TGFB2: variants seen among roughly 807,000 people sequenced by gnomAD.
The protein encoded by TGFB2 is transforming growth factor beta-2 proprotein.
In TGFB2, 13 loss-of-function variants were observed where a neutral mutation model predicts 42.7. The ratio of observed to expected loss-of-function variants is 0.30; its 90% CI spans 0.20 to 0.48. The LOEUF (loss-of-function observed/expected upper bound fraction) is 0.48. Among genes scored for constraint, TGFB2 ranks in the 20% least tolerant of loss-of-function variants. The probability of loss-of-function intolerance (pLI) is 0.99; values close to 1 mark genes in which losing one functional copy is unlikely to be tolerated. For missense variants in TGFB2, 390 were observed against 517.5 expected, an observed-to-expected ratio of 0.75 and a Z score of 2.39; for synonymous variants, 193 against 193.6, an observed-to-expected ratio of 1.00 and a Z score of 0.03.
chr1:218,378,946 A>AC (rs981996104), intron 1 of TGFB2, among the ~76,000 whole-genome samples: 1 of 151,636 alleles, frequency 6.6e-6, no homozygotes, highest in South Asian at 2.1e-4. Flanking sequence ...TGTGGCTATT[A>AC]CCCTCCTGAG....
At chr1:218,416,647 T>G (rs1659290487) in intron 2 of TGFB2, among the ~76,000 whole-genome samples, 1 of 152,224 alleles carries the variant, frequency 6.6e-6, no homozygotes, top group Admixed American at 6.5e-5. Context: ...GCAGTTCTTG[T>G]CCCTCACCTG....
rs1656693157 is a variant in TGFB2 at position 218,346,739 on chromosome 1, A to G, written c.38A>G (p.His13Arg). Residue 13 changes from histidine to arginine, a missense_variant, in exon 1 of 7, where the codon CAT becomes CGT. Transcript: ENST00000366930. The surrounding 1 kb of genome is among the most constrained non-coding windows in gnomAD (Gnocchi z 4.9). The part of the protein sequence containing the change: ...YCVLSAFLIL[H>R]LVTVALSLST... Reference sequence around the variant, plus strand: ...GTGCTGAGCGCTTTTCTGATCCTGCATCTGGTCACGGTCGCGCTCAGCCTG... The same window carrying G: ...GTGCTGAGCGCTTTTCTGATCCTGCGTCTGGTCACGGTCGCGCTCAGCCTG... 1 of 1,613,766 alleles carries G rather than the reference A, an allele frequency of 6.2e-7. No individual in the cohort carries two copies. The highest frequency in any genetic ancestry group is 1.3e-5 in the African/African-American group (1 of 74,884).
chr1:218,376,283 T>C (rs576345767), intron 1 of TGFB2, among the ~76,000 whole-genome samples: 2 of 152,240 alleles, frequency 1.3e-5, no homozygotes, highest in Non-Finnish European at 2.9e-5. Flanking sequence ...GGACAATGTG[T>C]GTTAGTAATG....
chr1:218,407,355 C>T (rs1335306191), intron 2 of TGFB2, among the ~76,000 whole-genome samples: 3 of 152,202 alleles, frequency 2.0e-5, no homozygotes, highest in Admixed American at 6.5e-5. Flanking sequence ...GCTGGGATTA[C>T]AGGCATGAGG....
chr1:218,362,903 T>C (rs1334138136), intron 1 of TGFB2, among the ~76,000 whole-genome samples: 1 of 152,176 alleles, frequency 6.6e-6, no homozygotes, highest in Non-Finnish European at 1.5e-5. Context: ...TGACAGGTGG[T>C]TTTAAGAACA....
rs17026738 is a variant in TGFB2, at chr1:218,346,590, C to CA, written c.-110dup. The CA allele has an allele frequency of 5.9e-5, 57 of 965,320 alleles. No individual in the cohort carries two copies. The highest frequency in any genetic ancestry group is 9.5e-5 in the Admixed American group (3 of 31,650). The allele number at this position is 965,320 out of a possible 1,614,324, so 59.8% of individuals were successfully genotyped here. Reference sequence around the variant, plus strand: ...GTTTGCAAAAGTTTCGCATCAAAAACAACAACAACAAAAAACCAAACAACT... The same window carrying CA: ...GTTTGCAAAAGTTTCGCATCAAAAACAAACAACAACAAAAAACCAAACAACT... On this transcript the variant is annotated 5_prime_UTR_variant, in exon 1 of 7. Coordinates refer to ENST00000366930, the MANE Select transcript of TGFB2 (RefSeq NM_003238.6). The surrounding 1 kb of genome is among the most constrained non-coding windows in gnomAD (Gnocchi z 4.9).
chr1:218,413,708 C>T (rs942368296), intron 2 of TGFB2, among the ~76,000 whole-genome samples: 5 of 152,208 alleles, frequency 3.3e-5, no homozygotes, highest in Admixed American at 6.5e-5. Flanking sequence ...AGTCGAGGAG[C>T]ATCTGTAAAA....
chr1:218,386,950 C>A (rs1658156888), intron 1 of TGFB2, among the ~76,000 whole-genome samples: 1 of 152,132 alleles, frequency 6.6e-6, no homozygotes. Flanking sequence ...TGCTCTTTTG[C>A]TGTTCCCGTC....
At chr1:218,347,485 A>G (rs1264346800) in intron 1 of TGFB2, among the ~76,000 whole-genome samples, 1 of 152,146 alleles carries the variant, frequency 6.6e-6, no homozygotes, top group Non-Finnish European at 1.5e-5. Context: ...AAAGTGTCTC[A>G]AAACTAGCCT....
chr1:218,401,690 A>G (rs549055426), intron 1 of TGFB2, among the ~76,000 whole-genome samples: 2 of 152,302 alleles, frequency 1.3e-5, no homozygotes, highest in Admixed American at 6.5e-5. Context: ...GAGAACTCCC[A>G]TTCCAAAGGG....
intron 2 of TGFB2, among the ~76,000 whole-genome samples, chr1:218,415,361 A>G (rs1659239014): frequency 6.6e-6 from 1 of 152,034 alleles, no homozygotes; most frequent in Admixed American, 6.6e-5. Flanking sequence ...CTCCTTCAAG[A>G]ATATTTTCCA....
chr1:218,356,433 G>A (rs1657037683), intron 1 of TGFB2, among the ~76,000 whole-genome samples: 1 of 151,934 alleles, frequency 6.6e-6, no homozygotes, highest in Non-Finnish European at 1.5e-5. Flanking sequence ...TGTTCAAGCT[G>A]GTCTTGAACT....
At chr1:218,380,474 C>A (rs1383351665) in intron 1 of TGFB2, among the ~76,000 whole-genome samples, 1 of 152,010 alleles carries the variant, frequency 6.6e-6, no homozygotes, top group Non-Finnish European at 1.5e-5. Flanking sequence ...TCCTAGCTAA[C>A]CCCTTTGATT....
chr1:218,366,498 A>G (rs1203436055), intron 1 of TGFB2, among the ~76,000 whole-genome samples: 1 of 152,056 alleles, frequency 6.6e-6, no homozygotes, highest in Non-Finnish European at 1.5e-5. Context: ...TTTTTTAGAG[A>G]TGGGGTCTTG....
chr1:218,371,924 A>C (rs1657585802), intron 1 of TGFB2, among the ~76,000 whole-genome samples: 1 of 152,196 alleles, frequency 6.6e-6, no homozygotes, highest in Non-Finnish European at 1.5e-5. Context: ...GATTGTTTAG[A>C]GCCACGTTCC....
chr1:218,440,353 T>C lies in TGFB2; in HGVS notation c.1087-851T>C, dbSNP rs572303925. ...AATGGTAAAAAAACAGGCTTTTTTT[T>C]TTTTAATGAAAATTGAGGATACCTT... On this transcript the variant is annotated intron_variant, in intron 6 of 6. Transcript: ENST00000366930. Among the ~76,000 whole-genome samples the C allele has an allele frequency of 4.5e-3, 682 of 152,280 alleles. 12 individuals carry two copies. Among genetic ancestry groups the C allele is most frequent in the African/African-American group, 0.016 (654 of 41,550 alleles).
chr1:218,409,499 T>C (rs75342095), intron 2 of TGFB2, among the ~76,000 whole-genome samples: 2,413 of 152,308 alleles, frequency 0.016, 34 homozygotes, highest in Middle Eastern at 0.031. Context: ...TGGAGGTCTT[T>C]GTAGTCTTTG....
At chr1:218,402,931 T>A (rs939504248) in intron 1 of TGFB2, among the ~76,000 whole-genome samples, 2 of 152,222 alleles carry the variant, frequency 1.3e-5, no homozygotes, top group Admixed American at 1.3e-4. Flanking sequence ...TCTGGTTGTC[T>A]GGCCTGTTTT....
Position 218,436,176 on chromosome 1 carries a change from A to G in TGFB2, c.932+29A>G, listed in dbSNP as rs779027841. ...AAGGAAAGAAAAGTAAAACCAAGTA[A>G]TTGCATCTGTTAACTCTTAAACTGC... On this transcript the variant is annotated intron_variant, in intron 5 of 6. Transcript: ENST00000366930. 3.0e-5 allele frequency: 48 copies of G among 1,601,344 alleles called. No homozygotes were observed. The South Asian group carries it at 5.4e-4, about 18-fold the overall frequency.
Sources: gnomAD v4.1 joint callset for allele counts (sites outside exome capture counted in the v4.1 genomes callset) on GRCh38, gnomAD v4.1.1 for gene constraint, Gnocchi (gnomAD v3.1) non-coding constraint, MANE v1.5 for transcripts, NCBI Gene and HGNC (gene_info 2026-07-23, HGNC 2026-07-21) for gene names.